TMEM87A: variants seen among roughly 807,000 people sequenced by gnomAD.
TMEM87A encodes the protein transmembrane protein 87A, also known as Golgi-pH regulating cation channel.
In TMEM87A, 50 loss-of-function variants were observed where a neutral mutation model predicts 90.0. The ratio of observed to expected loss-of-function variants is 0.56; its 90% CI spans 0.44 to 0.70. The LOEUF is 0.70. Among genes scored for constraint, TMEM87A ranks in the 30% least tolerant of loss-of-function variants. TMEM87A has a pLI of 0.00. For missense variants in TMEM87A, 577 were observed against 660.5 expected, an observed-to-expected ratio of 0.87 and a Z score of 1.39; for synonymous variants, 226 against 226.7, an observed-to-expected ratio of 1.00 and a Z score of 0.03.
At chr15:42,241,249 G>A (rs1029558167) in intron 7 of TMEM87A, among the ~76,000 whole-genome samples, 2 of 152,306 alleles carry the variant, frequency 1.3e-5, no homozygotes, top group Non-Finnish European at 2.9e-5. Context: ...CATCAAATGG[G>A]TAACCACCTT....
At chr15:42,271,312 C>G (rs947695398) in intron 2 of TMEM87A, among the ~76,000 whole-genome samples, 1 of 152,204 alleles carries the variant, frequency 6.6e-6, no homozygotes, top group Non-Finnish European at 1.5e-5. Flanking sequence ...TCACAGCCAA[C>G]GGCCTGACAA....
upstream of TMEM87A, chr15:42,273,566 G>C (rs1050848791): frequency 3.2e-6 from 4 of 1,244,904 alleles, no homozygotes; most frequent in Non-Finnish European, 2.2e-6. Flanking sequence ...TCTGTGCGCC[G>C]TGAGACTTTG....
chr15:42,216,159 C>T lies in TMEM87A; in HGVS notation c.1626+1644G>A, dbSNP rs900452719. Among the ~76,000 whole-genome samples the T allele has an allele frequency of 2.2e-4, 34 of 152,258 alleles. 1 individual carries two copies. Among genetic ancestry groups the T allele is most frequent in the Non-Finnish European group, 7.4e-5 (5 of 68,004 alleles). ...CAGGGGGACAAATGCTGCATGATTC[C>T]ACTTATATGAGTTATCTAAAATAGA... On this transcript the variant is annotated intron_variant, in intron 19 of 19. Coordinates refer to ENST00000389834, the MANE Select transcript of TMEM87A (RefSeq NM_015497.5).
intron 6 of TMEM87A, among the ~76,000 whole-genome samples, chr15:42,254,063 T>TC (rs1281415288): frequency 6.6e-6 from 1 of 151,998 alleles, no homozygotes; most frequent in African/African-American, 2.4e-5. Context: ...TTTTTTTTTT[T>TC]CTCTTTTTCA....
rs77890270 is a variant in TMEM87A, at chr15:42,241,090, T to C, written c.623-1359A>G. On this transcript the variant is annotated intron_variant, in intron 7 of 19. Coordinates refer to ENST00000389834, the MANE Select transcript of TMEM87A (RefSeq NM_015497.5). Reference sequence around the variant, plus strand: ...ACCACCTCGCAGAGTTGGGTAGTTATAATAGAGAAAAAATTTACTACCTGA... The same window carrying C: ...ACCACCTCGCAGAGTTGGGTAGTTACAATAGAGAAAAAATTTACTACCTGA... Among the ~76,000 whole-genome samples, 1,076 of 152,316 alleles carry C rather than the reference T, an allele frequency of 7.1e-3. 94 individuals carry two copies. In the East Asian group the frequency reaches 0.18, roughly 25 times the overall value.
intron 15 of TMEM87A, among the ~76,000 whole-genome samples, chr15:42,222,576 G>A (rs949309963): frequency 2.1e-5 from 3 of 142,894 alleles, no homozygotes; most frequent in African/African-American, 7.9e-5. Context: ...TTTTTTTTTT[G>A]AGACAGAGTT....
intron 6 of TMEM87A, among the ~76,000 whole-genome samples, chr15:42,245,731 C>A (rs2050960440): frequency 6.6e-6 from 1 of 151,768 alleles, no homozygotes; most frequent in Non-Finnish European, 1.5e-5. Context: ...GGGGTTTCGC[C>A]ATGTTGGCCA....
Position 42,211,496 on chromosome 15 carries a change from A to T in TMEM87A, c.*212T>A. 1 of 494,804 alleles carries T rather than the reference A, an allele frequency of 2.0e-6. No homozygotes were observed. The highest frequency in any genetic ancestry group is 3.7e-5 in the South Asian group (1 of 27,322). 30.7% of individuals were successfully genotyped at this position (494,804 alleles called of 1,614,324 possible). On this transcript the variant is annotated 3_prime_UTR_variant, in exon 20 of 20. Transcript: ENST00000389834. Reference sequence around the variant, plus strand: ...AGGGGGCAGCAGTGTTGTAAATAAGAAGCTCGTAGATTTTTCTCATCTTAT... The same window carrying T: ...AGGGGGCAGCAGTGTTGTAAATAAGTAGCTCGTAGATTTTTCTCATCTTAT...
intron 3 of TMEM87A, among the ~76,000 whole-genome samples, 196 bp downstream of exon 3, chr15:42,267,751 C>A (rs2051434106): frequency 1.3e-5 from 2 of 152,128 alleles, no homozygotes; most frequent in Non-Finnish European, 1.5e-5. Flanking sequence ...CTGGAGTCCA[C>A]AATAATTTTT....
chr15:42,237,530 C>A lies in TMEM87A; in HGVS notation c.770G>T (p.Arg257Ile), dbSNP rs1294961035. 6.2e-6 allele frequency: 10 copies of A among 1,613,990 alleles called. No individual in the cohort carries two copies. The highest frequency in any genetic ancestry group is 8.5e-6 in the Non-Finnish European group (10 of 1,180,040). ...WSACYWRDLL[R>I]IQFWIGAVIF... ...GACAGCACCAATCCAAAACTGAATTCTCAGGAGATCTCTCCAGTAGCAGGC... is the reference window on the plus strand; with the variant it reads ...GACAGCACCAATCCAAAACTGAATTATCAGGAGATCTCTCCAGTAGCAGGC... Residue 257 changes from arginine to isoleucine, a missense_variant, in exon 9 of 20, where the codon AGA becomes ATA. Coordinates refer to ENST00000389834, the MANE Select transcript of TMEM87A (RefSeq NM_015497.5).
chr15:42,258,435 C>CA (rs2140974792), intron 6 of TMEM87A: 1 of 620,308 alleles, frequency 1.6e-6, no homozygotes, highest in South Asian at 7.2e-5. Flanking sequence ...TATCTTTTTT[C>CA]TTTTTTTTTT....
At chr15:42,241,582 T>A (rs138840841) in intron 7 of TMEM87A, among the ~76,000 whole-genome samples, 1 of 152,328 alleles carries the variant, frequency 6.6e-6, no homozygotes, top group East Asian at 1.9e-4. Flanking sequence ...AGTCATTTTA[T>A]AGGCAATGGG....
At chr15:42,219,735 A>T (rs1423107301) in intron 16 of TMEM87A, 93 bp from the exon 17 acceptor site, 4 of 844,500 alleles carry the variant, frequency 4.7e-6, no homozygotes, top group Non-Finnish European at 7.2e-6. Flanking sequence ...TTTTTAAATT[A>T]AAAGCCCCAA....
At chr15:42,264,699 A>ATATTTTTT (rs10681614) in intron 3 of TMEM87A, among the ~76,000 whole-genome samples, 7 of 109,424 alleles carry the variant, frequency 6.4e-5, no homozygotes, top group African/African-American at 2.2e-4. Flanking sequence ...ATATATATAT[A>ATATTTTTT]TTTTTTTTTT....
rs529927030 is a variant in TMEM87A, at chr15:42,258,117, T to C, written c.504+2841A>G. On this transcript the variant is annotated intron_variant, in intron 6 of 19. Transcript: ENST00000389834. ...CTCATAAAAGTTCAAGAACAGAGAA[T>C]TGAACAAATTGCAATGTACTCATAC... 150 of 977,610 alleles carry C rather than the reference T, an allele frequency of 1.5e-4. No individual in the cohort carries two copies. The South Asian group carries it at 6.2e-3, about 40-fold the overall frequency. 60.6% of individuals were successfully genotyped at this position (977,610 alleles called of 1,614,324 possible).
At position 42,227,863 on chromosome 15, in the gene TMEM87A, C is replaced by A. The variant is rs1344857711; in HGVS notation, c.1241-94G>T. 3.9e-6 allele frequency: 4 copies of A among 1,030,140 alleles called. No homozygotes were observed. The East Asian group carries it at 7.4e-5, about 19-fold the overall frequency. 63.8% of individuals were successfully genotyped at this position (1,030,140 alleles called of 1,614,324 possible). ...TTCCGGTTAAGTGGAATCCCACACA[C>A]CCCGAACCCCCAAATACATCACAAC... On this transcript the variant is annotated intron_variant, in intron 13 of 19. Coordinates refer to ENST00000389834, the MANE Select transcript of TMEM87A (RefSeq NM_015497.5).
At chr15:42,212,506 T>C (rs1319059227) in intron 19 of TMEM87A, among the ~76,000 whole-genome samples, 19 of 152,196 alleles carry the variant, frequency 1.2e-4, no homozygotes, top group Admixed American at 1.2e-3. Flanking sequence ...GGTGCCCAGC[T>C]GCCAACCTGA....
At chr15:42,220,176 C>T in intron 15 of TMEM87A, 41 bp from the exon 16 acceptor site, 1 of 1,481,042 alleles carries the variant, frequency 6.8e-7, no homozygotes, top group Non-Finnish European at 9.2e-7. Flanking sequence ...AATTAGAAAA[C>T]TTCAAAAACT....
chr15:42,242,053 T>A (rs1389304735), intron 7 of TMEM87A, among the ~76,000 whole-genome samples: 3 of 127,794 alleles, frequency 2.3e-5, no homozygotes, highest in African/African-American at 3.0e-5. Context: ...GGTGACAGAG[T>A]GAGACTCTAT....
Sources: allele counts gnomAD v4.1 joint callset (sites outside exome capture counted in the v4.1 genomes callset), GRCh38; gene constraint gnomAD v4.1.1; transcripts MANE v1.5; gene names NCBI Gene and HGNC (gene_info 2026-07-23, HGNC 2026-07-21).